The following ZSCAN30 variants were observed in gnomAD, a reference collection of about 807,000 sequenced individuals.
ZSCAN30 encodes the protein zinc finger and SCAN domain containing 30, also known as zinc finger and SCAN domain-containing protein 30.
Under a neutral mutation model 44.3 loss-of-function variants are expected in ZSCAN30, and 37 were observed. That is an observed-to-expected ratio of 0.84 (90% confidence interval 0.64 to 1.10). ZSCAN30 has a LOEUF of 1.10. Among genes scored for constraint, ZSCAN30 ranks in the 50% least tolerant of loss-of-function variants. ZSCAN30 has a pLI of 0.00. For synonymous variants in ZSCAN30, 181 were observed against 204.6 expected, an observed-to-expected ratio of 0.88 and a Z score of 0.98; for missense variants, 549 against 582.6, an observed-to-expected ratio of 0.94 and a Z score of 0.59.
intron 1 of ZSCAN30, among the ~76,000 whole-genome samples, chr18:35,271,556 G>A (rs1356376480): frequency 6.6e-6 from 1 of 152,264 alleles, no homozygotes; most frequent in African/African-American, 2.4e-5. Flanking sequence ...AGTTCTCCAA[G>A]TCCCCACCTG....
intron 1 of ZSCAN30, among the ~76,000 whole-genome samples, chr18:35,273,007 C>G (rs1415228019): frequency 1.3e-5 from 2 of 152,208 alleles, no homozygotes; most frequent in Non-Finnish European, 2.9e-5. Context: ...CCCATTCCCT[C>G]CCACAACACA....
At chr18:35,268,633 T>G (rs1441193326) in intron 1 of ZSCAN30, 2 of 152,194 alleles carry the variant, frequency 1.3e-5, no homozygotes, top group Admixed American at 6.5e-5. Flanking sequence ...GGGTGAGAAC[T>G]AAGCTGATGG....
intron 1 of ZSCAN30, among the ~76,000 whole-genome samples, chr18:35,274,387 T>C (rs960069826): frequency 1.3e-5 from 2 of 152,224 alleles, no homozygotes; most frequent in Admixed American, 6.5e-5. Context: ...GCCAGCTATC[T>C]GGGAGCTCCA....
chr18:35,252,751 G>T lies in ZSCAN30; in HGVS notation c.*699C>A, dbSNP rs1391060586. The T allele has an allele frequency of 6.6e-6, 1 of 152,154 alleles. No homozygotes were observed. The highest frequency in any genetic ancestry group is 1.5e-5 in the Non-Finnish European group (1 of 68,040). 9.4% of individuals were successfully genotyped at this position (152,154 alleles called of 1,614,324 possible). A position where few individuals can be genotyped will look rare whatever the true frequency, so the allele number is the denominator to read the frequency against. Reference sequence around the variant, plus strand: ...CTTACCACACTTTACTGTAATTACTGTTTAGTATATATGCATATCCTATTA... The same window carrying T: ...CTTACCACACTTTACTGTAATTACTTTTTAGTATATATGCATATCCTATTA... On this transcript the variant is annotated 3_prime_UTR_variant, in exon 4 of 4. Coordinates refer to ENST00000333206, the MANE Select transcript of ZSCAN30 (RefSeq NM_001112734.4).
At chr18:35,266,566 C>T (rs1208059168) in intron 1 of ZSCAN30, 1 of 151,064 alleles carries the variant, frequency 6.6e-6, no homozygotes, top group Non-Finnish European at 1.5e-5. Context: ...GAGATGCCTA[C>T]GAAGCAGCGT....
intron 3 of ZSCAN30, chr18:35,257,577 G>C: frequency 3.6e-6 from 1 of 278,636 alleles, no homozygotes; most frequent in Non-Finnish European, 6.8e-6. Context: ...CTAGCACCTT[G>C]AACTTCTCAG....
intron 1 of ZSCAN30, among the ~76,000 whole-genome samples, chr18:35,277,209 A>T (rs1416347004): frequency 2.0e-5 from 3 of 152,210 alleles, no homozygotes; most frequent in Admixed American, 6.5e-5. Context: ...TTGATTTTAC[A>T]GGCTCATAGG....
At chr18:35,272,148 G>A (rs1017128422) in intron 1 of ZSCAN30, among the ~76,000 whole-genome samples, 4 of 152,290 alleles carry the variant, frequency 2.6e-5, no homozygotes, top group East Asian at 1.9e-4. Flanking sequence ...TGCTGAGAGC[G>A]AGCGAGGGCT....
chr18:35,254,410 T>C, intron 3 of ZSCAN30, 29 bp from the exon 4 acceptor site: 1 of 1,613,786 alleles, frequency 6.2e-7, no homozygotes, highest in Non-Finnish European at 8.5e-7. Context: ...AGTGTAAGTA[T>C]CATTTACTTC....
intron 1 of ZSCAN30, among the ~76,000 whole-genome samples, chr18:35,280,357 G>C (rs2044435551): frequency 6.7e-6 from 1 of 149,910 alleles, no homozygotes; most frequent in African/African-American, 2.4e-5. Flanking sequence ...CAGAGAGAGA[G>C]ACATAGAAGG....
chr18:35,274,057 T>A (rs184563806), intron 1 of ZSCAN30, among the ~76,000 whole-genome samples: 1 of 152,198 alleles, frequency 6.6e-6, no homozygotes, highest in East Asian at 1.9e-4. Flanking sequence ...TTGCTGTTGC[T>A]CAGGCTGGAG....
chr18:35,268,616 C>T (rs1264307717), intron 1 of ZSCAN30: 1 of 151,836 alleles, frequency 6.6e-6, no homozygotes, highest in Non-Finnish European at 1.5e-5. Context: ...TGCAGAGAGC[C>T]GAAAGAGGGT....
At chr18:35,263,453 G>C in intron 3 of ZSCAN30, 60 bp downstream of exon 3, 1 of 1,599,300 alleles carries the variant, frequency 6.3e-7, no homozygotes, top group East Asian at 2.2e-5. Context: ...AAAATGAACC[G>C]TGCCACAGTT....
intron 3 of ZSCAN30, chr18:35,261,616 T>C (rs925482277): frequency 7.6e-5 from 11 of 144,590 alleles, no homozygotes; most frequent in African/African-American, 1.8e-4. Flanking sequence ...TTTGTAGCAA[T>C]TGTGAATGGG....
At position 35,270,229 on chromosome 18, in the gene ZSCAN30, T is replaced by A. The variant is rs1470591564; in HGVS notation, c.-103-5774A>T. 4 of 147,672 alleles carry A rather than the reference T, an allele frequency of 2.7e-5. No individual in the cohort carries two copies. The East Asian group carries it at 7.7e-4, about 29-fold the overall frequency. The allele number at this position is 147,672 out of a possible 1,614,324, so 9.1% of individuals were successfully genotyped here. A position where few individuals can be genotyped will look rare whatever the true frequency, so the allele number is the denominator to read the frequency against. ...AAAGATGTTAATAAAAAGAAATGAATGCGAAAGTATATGGGATCTCTCTGT... is the reference window on the plus strand; with the variant it reads ...AAAGATGTTAATAAAAAGAAATGAAAGCGAAAGTATATGGGATCTCTCTGT... On this transcript the variant is annotated intron_variant, in intron 1 of 3. Transcript: ENST00000333206.
intron 1 of ZSCAN30, among the ~76,000 whole-genome samples, chr18:35,270,677 C>G (rs751713847): frequency 2.0e-5 from 3 of 152,176 alleles, no homozygotes; most frequent in Non-Finnish European, 4.4e-5. Context: ...CCCTCCGCGG[C>G]TCAAGCAATT....
chr18:35,287,466 A>G lies in ZSCAN30; in HGVS notation c.-104+2618T>C, dbSNP rs2044571308. On this transcript the variant is annotated intron_variant, in intron 1 of 3. Transcript: ENST00000333206. ...GAGACAAGTAGATCAATGAAAAAAT[A>G]GAGAGGCCAGAAATAGACCCACACA... Among the ~76,000 whole-genome samples the G allele has an allele frequency of 2.0e-5, 3 of 149,168 alleles. No individual in the cohort carries two copies. In the South Asian group the frequency reaches 6.2e-4, roughly 31 times the overall value.
chr18:35,266,657 A>ATTTTTTTTTTTTTTTTTTTT (rs34611791), intron 1 of ZSCAN30: 1 of 78,612 alleles, frequency 1.3e-5, no homozygotes, highest in Non-Finnish European at 2.3e-5. Flanking sequence ...ATTTCTCCTA[A>ATTTTTTTTTTTTTTTTTTTT]TTTTTTTTTT....
intron 1 of ZSCAN30, among the ~76,000 whole-genome samples, chr18:35,272,121 C>T (rs886753119): frequency 6.6e-6 from 1 of 152,220 alleles, no homozygotes; most frequent in Non-Finnish European, 1.5e-5. Context: ...CAAGAGCAGA[C>T]GCTGAGGCCA....
Sources: allele counts gnomAD v4.1 joint callset (sites outside exome capture counted in the v4.1 genomes callset), GRCh38; gene constraint gnomAD v4.1.1; transcripts MANE v1.5; gene names NCBI Gene and HGNC (gene_info 2026-07-23, HGNC 2026-07-21).